The following DOCK5 variants were observed in gnomAD, a reference collection of about 807,000 sequenced individuals.
The protein encoded by DOCK5 is dedicator of cytokinesis 5.
In DOCK5, 142 loss-of-function variants were observed where a neutral mutation model predicts 251.8. The observed-to-expected ratio is 0.56, with a 90% CI of 0.49 to 0.65. DOCK5 has a LOEUF of 0.65. DOCK5 is among the 30% of genes least tolerant of loss of function. The pLI is 0.00. For missense variants in DOCK5, 2,111 were observed against 2,312.3 expected (o/e 0.91, Z 1.79); for synonymous variants, 842 against 835.5 (o/e 1.01, Z -0.13).
chr8:25,274,399 T>G (rs1363954258), intron 3 of DOCK5, among the ~76,000 whole-genome samples: 1 of 152,182 alleles, frequency 6.6e-6, no homozygotes, highest in Non-Finnish European at 1.5e-5. Flanking sequence ...CATCACTGTC[T>G]CCGGATGACA....
At chr8:25,270,955 G>A in intron 3 of DOCK5, 2 of 532,022 alleles carry the variant, frequency 3.8e-6, no homozygotes, top group Non-Finnish European at 3.4e-6. Flanking sequence ...TATGTAAGTA[G>A]TTATTATACC....
chr8:25,289,272 C>T (rs116867124), intron 5 of DOCK5, among the ~76,000 whole-genome samples: 44 of 152,088 alleles, frequency 2.9e-4, no homozygotes, highest in Non-Finnish European at 5.0e-4. Context: ...GTCAACATCT[C>T]TCTCTGTGTG....
intron 21 of DOCK5, among the ~76,000 whole-genome samples, chr8:25,334,798 G>C (rs1805763198): frequency 6.6e-6 from 1 of 151,996 alleles, no homozygotes; most frequent in South Asian, 2.1e-4. Context: ...GATTGGCGTG[G>C]GACATCAAGG....
At chr8:25,394,311 G>A (rs751580761) in intron 44 of DOCK5, among the ~76,000 whole-genome samples, 1 of 151,908 alleles carries the variant, frequency 6.6e-6, no homozygotes, top group Non-Finnish European at 1.5e-5. Flanking sequence ...GGAATAGGAG[G>A]TCATGTTGAC....
intron 5 of DOCK5, among the ~76,000 whole-genome samples, chr8:25,280,280 CTTTG>C (rs1181008592): frequency 2.6e-5 from 4 of 152,262 alleles, no homozygotes; most frequent in South Asian, 2.1e-4. Flanking sequence ...CTTTATGTGG[CTTTG>C]TTTGTCTCAA....
At chr8:25,370,118 C>T (rs1371282003) in intron 34 of DOCK5, among the ~76,000 whole-genome samples, 2 of 152,196 alleles carry the variant, frequency 1.3e-5, no homozygotes, top group Non-Finnish European at 1.5e-5. Context: ...CCCCATCCAA[C>T]ACATCTGTAC....
Position 25,368,267 on chromosome 8 carries a change from G to A in DOCK5, c.3283+17G>A. 1 of 1,607,490 alleles carries A rather than the reference G, an allele frequency of 6.2e-7. No individual in the cohort carries two copies. The highest frequency in any genetic ancestry group is 8.5e-7 in the Non-Finnish European group (1 of 1,175,916). On this transcript the variant is annotated intron_variant, in intron 32 of 51. Transcript: ENST00000276440. The stretch of plus-strand genomic sequence containing the variant: ...ATAACCTGGGTGAGTGTCTAGCCTT[G>A]AACAGGCCTGATCACAACCTCTGAG...
intron 4 of DOCK5, among the ~76,000 whole-genome samples, chr8:25,277,994 T>C (rs1054469428): frequency 3.7e-4 from 57 of 152,200 alleles, no homozygotes; most frequent in African/African-American, 1.3e-3. Context: ...CCTACCTTTA[T>C]GAGAGTCTTC....
chr8:25,396,517 T>TA (rs1185654297), intron 45 of DOCK5, among the ~76,000 whole-genome samples: 1 of 152,166 alleles, frequency 6.6e-6, no homozygotes, highest in African/African-American at 2.4e-5. Context: ...GGGATAGGGT[T>TA]AGGATGTAAC....
At chr8:25,298,175 A>G (rs1206300076) in intron 7 of DOCK5, among the ~76,000 whole-genome samples, 5 of 151,176 alleles carry the variant, frequency 3.3e-5, no homozygotes, top group Admixed American at 1.3e-4. Context: ...ATTTGTGTCA[A>G]TTTTCTTTGG....
In DOCK5 at chr8:25,333,772, C is replaced by T. The variant is rs111651016; in HGVS notation, c.2092-324C>T. Among the ~76,000 whole-genome samples the T allele has an allele frequency of 3.0e-3, 458 of 152,232 alleles. 6 individuals carry two copies. Among genetic ancestry groups the T allele is most frequent in the African/African-American group, 0.011 (440 of 41,530 alleles). ...CCTTGGATTAGAGAAAACACCTTTCCAGAGCCTCCTTCCTCCTGCCCGTTA... is the reference window on the plus strand; with the variant it reads ...CCTTGGATTAGAGAAAACACCTTTCTAGAGCCTCCTTCCTCCTGCCCGTTA... On this transcript the variant is annotated intron_variant, in intron 20 of 51. Transcript: ENST00000276440.
chr8:25,234,195 T>A (rs1802738990), intron 1 of DOCK5, among the ~76,000 whole-genome samples: 1 of 152,248 alleles, frequency 6.6e-6, no homozygotes, highest in African/African-American at 2.4e-5. Context: ...ATAGAGAGGA[T>A]AATCGGTGAC....
chr8:25,358,763 A>T (rs1004609748), intron 27 of DOCK5, among the ~76,000 whole-genome samples, 200 bp from the exon 28 acceptor site: 2 of 152,228 alleles, frequency 1.3e-5, no homozygotes, highest in African/African-American at 4.8e-5. Context: ...TTCTTCACTC[A>T]GACCTGGAAG....
chr8:25,190,133 C>T (rs750081208), intron 1 of DOCK5, among the ~76,000 whole-genome samples: 8 of 151,738 alleles, frequency 5.3e-5, no homozygotes, highest in Non-Finnish European at 1.0e-4. Flanking sequence ...GTGATGTGCC[C>T]GCCTTGGCCT....
At chr8:25,185,948 G>T (rs1158427043) in intron 1 of DOCK5, among the ~76,000 whole-genome samples, 1 of 152,124 alleles carries the variant, frequency 6.6e-6, no homozygotes, top group African/African-American at 2.4e-5. Flanking sequence ...CAATAAACAC[G>T]GCTGAGTGTG....
intron 40 of DOCK5, among the ~76,000 whole-genome samples, chr8:25,387,121 A>T (rs574420199): frequency 1.4e-4 from 22 of 151,812 alleles, no homozygotes; most frequent in Non-Finnish European, 2.9e-4. Context: ...CAACCCAATG[A>T]GATCTCATTA....
intron 5 of DOCK5, among the ~76,000 whole-genome samples, chr8:25,282,744 G>C (rs1804230552): frequency 6.7e-6 from 1 of 148,378 alleles, no homozygotes. Flanking sequence ...AGGCTACTCA[G>C]AAGGCTGAGG....
chr8:25,349,586 A>G (rs1800431015), intron 26 of DOCK5, among the ~76,000 whole-genome samples: 1 of 152,226 alleles, frequency 6.6e-6, no homozygotes, highest in African/African-American at 2.4e-5. Context: ...ACTCACTCAT[A>G]AAAAGGAACA....
chr8:25,325,013 A>AT (rs1805527465), intron 17 of DOCK5, among the ~76,000 whole-genome samples: 1 of 152,082 alleles, frequency 6.6e-6, no homozygotes, highest in Non-Finnish European at 1.5e-5. Context: ...TCCATGGTGT[A>AT]TATGTGCCAT....
Sources: gnomAD v4.1 joint callset for allele counts (sites outside exome capture counted in the v4.1 genomes callset) on GRCh38, gnomAD v4.1.1 for gene constraint, MANE v1.5 for transcripts, NCBI Gene and HGNC (gene_info 2026-07-23, HGNC 2026-07-21) for gene names.